The following STXBP5L variants were observed in gnomAD, a reference collection of about 807,000 sequenced individuals.
The protein encoded by STXBP5L is syntaxin binding protein 5L, also known as syntaxin-binding protein 5-like.
A neutral mutation model predicts 144.5 loss-of-function variants in STXBP5L; 65 were observed. That is an observed-to-expected ratio of 0.45 (90% CI 0.37 to 0.55). The LOEUF (loss-of-function observed/expected upper bound fraction) is 0.55. STXBP5L is among the 20% of genes least tolerant of loss of function. STXBP5L has a pLI of 0.00. For missense variants in STXBP5L, 1,298 were observed against 1,405.5 expected (o/e 0.92, Z 1.22); for synonymous variants, 505 against 469.6 (o/e 1.08, Z -0.97).
intron 20 of STXBP5L, among the ~76,000 whole-genome samples, chr3:121,367,254 G>A (rs1028008652): frequency 5.3e-5 from 8 of 152,026 alleles, no homozygotes; most frequent in Non-Finnish European, 1.0e-4. Context: ...ATGGCTTTGA[G>A]TTACTACCTA....
intron 3 of STXBP5L, among the ~76,000 whole-genome samples, chr3:120,967,705 C>G (rs929059531): frequency 1.3e-5 from 2 of 151,994 alleles, no homozygotes; most frequent in African/African-American, 4.8e-5. Context: ...CATTTGAAGT[C>G]TTTCTAATTT....
chr3:121,341,929 G>C (rs905765632), intron 20 of STXBP5L, among the ~76,000 whole-genome samples: 5 of 152,008 alleles, frequency 3.3e-5, no homozygotes, highest in Admixed American at 2.6e-4. Context: ...GTATTTCCTA[G>C]CACAACATGA....
At chr3:120,963,222 C>G (rs960183724) in intron 3 of STXBP5L, among the ~76,000 whole-genome samples, 2 of 152,164 alleles carry the variant, frequency 1.3e-5, no homozygotes, top group Admixed American at 6.5e-5. Context: ...CATCTGCAAA[C>G]AGGGACAATT....
At chr3:121,061,539 G>A (rs2041278135) in intron 5 of STXBP5L, among the ~76,000 whole-genome samples, 1 of 152,068 alleles carries the variant, frequency 6.6e-6, no homozygotes, top group African/African-American at 2.4e-5. Context: ...TTAATTTTTT[G>A]TCTTGTTGAT....
intron 20 of STXBP5L, among the ~76,000 whole-genome samples, chr3:121,348,347 G>A (rs1291883378): frequency 1.3e-5 from 2 of 152,138 alleles, no homozygotes; most frequent in African/African-American, 2.4e-5. Flanking sequence ...TGTGCTGCTG[G>A]ATTCGGTTTG....
intron 18 of STXBP5L, among the ~76,000 whole-genome samples, chr3:121,259,531 T>C (rs1002850878): frequency 2.0e-5 from 3 of 152,118 alleles, no homozygotes; most frequent in Non-Finnish European, 4.4e-5. Flanking sequence ...TCTGATCTGA[T>C]GGTAGATCCA....
At chr3:121,077,516 G>C in intron 5 of STXBP5L, among the ~76,000 whole-genome samples, 1 of 152,134 alleles carries the variant, frequency 6.6e-6, no homozygotes, top group South Asian at 2.1e-4. Context: ...GACCCAAAGA[G>C]TGAGCAGCAG....
intron 25 of STXBP5L, among the ~76,000 whole-genome samples, 186 bp downstream of exon 25, chr3:121,416,154 A>G (rs557798718): frequency 6.7e-6 from 1 of 149,066 alleles, no homozygotes; most frequent in East Asian, 2.0e-4. Context: ...ATTTACCAAC[A>G]TGGAAAGTGG....
intron 3 of STXBP5L, among the ~76,000 whole-genome samples, chr3:120,971,136 AT>A (rs1940197497): frequency 6.6e-6 from 1 of 152,124 alleles, no homozygotes; most frequent in African/African-American, 2.4e-5. Context: ...GCATCTGGGC[AT>A]TGGGAAAAAT....
chr3:121,346,875 G>A (rs1040249421), intron 20 of STXBP5L, among the ~76,000 whole-genome samples: 3 of 151,894 alleles, frequency 2.0e-5, no homozygotes, highest in African/African-American at 7.3e-5. Context: ...TGAGTAGGTT[G>A]CAAAAATTTT....
At chr3:121,055,873 T>G (rs1948425100) in intron 5 of STXBP5L, among the ~76,000 whole-genome samples, 1 of 143,800 alleles carries the variant, frequency 7.0e-6, no homozygotes, top group African/African-American at 2.6e-5. Context: ...TTTTTTTTTT[T>G]GTAGAAACAG....
chr3:121,106,678 A>G (rs970527647), intron 5 of STXBP5L, among the ~76,000 whole-genome samples: 1 of 152,204 alleles, frequency 6.6e-6, no homozygotes, highest in Non-Finnish European at 1.5e-5. Flanking sequence ...TGTCTTTGGT[A>G]TAATGAATAG....
At chr3:121,006,753 C>A (rs1481988550) in intron 3 of STXBP5L, among the ~76,000 whole-genome samples, 2 of 152,082 alleles carry the variant, frequency 1.3e-5, no homozygotes, top group African/African-American at 4.8e-5. Flanking sequence ...CTGGTGGTGA[C>A]AAAATCTCTC....
chr3:121,097,829 T>C (rs1576947362), intron 5 of STXBP5L, among the ~76,000 whole-genome samples: 1 of 152,212 alleles, frequency 6.6e-6, no homozygotes, highest in Non-Finnish European at 1.5e-5. Flanking sequence ...TGGAACTAAT[T>C]GAAATGTGAT....
intron 3 of STXBP5L, among the ~76,000 whole-genome samples, chr3:120,973,387 T>C (rs1024782040): frequency 6.6e-6 from 1 of 152,066 alleles, no homozygotes; most frequent in Admixed American, 6.6e-5. Flanking sequence ...CTGGTGATTT[T>C]TTTTTGCATT....
rs558086723 is a variant in STXBP5L at position 121,205,401 on chromosome 3, C to G, written c.878-522C>G. On this transcript the variant is annotated intron_variant, in intron 9 of 26. Transcript: ENST00000471454. ...ACCCACTCCCATGATAACCAACCCA[C>G]TCTCACAATAACTGTATTAATTCAT... Among the ~76,000 whole-genome samples, 3 of 152,328 alleles carry G rather than the reference C, an allele frequency of 2.0e-5. No individual in the cohort carries two copies. The South Asian group carries it at 6.2e-4, about 32-fold the overall frequency.
intron 20 of STXBP5L, among the ~76,000 whole-genome samples, chr3:121,323,974 T>C (rs1269464499): frequency 6.6e-6 from 1 of 152,192 alleles, no homozygotes; most frequent in African/African-American, 2.4e-5. Flanking sequence ...CTATTGAATG[T>C]ATGCCTTTTT....
At chr3:121,387,442 C>A (rs533344898) in intron 22 of STXBP5L, among the ~76,000 whole-genome samples, 13 of 152,174 alleles carry the variant, frequency 8.5e-5, no homozygotes, top group Admixed American at 3.3e-4. Context: ...GCTTTTGTTG[C>A]CATTGCTTTT....
intron 5 of STXBP5L, among the ~76,000 whole-genome samples, chr3:121,047,184 T>G (rs1397814721): frequency 6.6e-6 from 1 of 152,082 alleles, no homozygotes; most frequent in Non-Finnish European, 1.5e-5. Context: ...TTAGTATTGA[T>G]TTTTATTTTT....
Sources: gnomAD v4.1 joint callset for allele counts (sites outside exome capture counted in the v4.1 genomes callset) on GRCh38, gnomAD v4.1.1 for gene constraint, MANE v1.5 for transcripts, NCBI Gene and HGNC (gene_info 2026-07-23, HGNC 2026-07-21) for gene names.